The following CLPB variants were observed in gnomAD, a reference collection of about 807,000 sequenced individuals.
The protein encoded by CLPB is mitochondrial disaggregase.
In CLPB, 40 loss-of-function variants were observed where a neutral mutation model predicts 78.4. The observed-to-expected ratio is 0.51, with a 90% CI of 0.40 to 0.66. The LOEUF (loss-of-function observed/expected upper bound fraction) is 0.66, where lower values mean the gene tolerates loss of function less well. Ranked by LOEUF, CLPB falls within the 30% of genes least tolerant of loss-of-function variation. CLPB has a pLI of 0.00. For missense variants in CLPB, 780 were observed against 886.9 expected (o/e 0.88, Z 1.53); for synonymous variants, 333 against 348.0 (o/e 0.96, Z 0.48).
chr11:72,390,579 T>TC (rs1195787203), intron 3 of CLPB, among the ~76,000 whole-genome samples: 1 of 152,066 alleles, frequency 6.6e-6, no homozygotes, highest in Non-Finnish European at 1.5e-5. Context: ...AAGAAAATCT[T>TC]CAAGTTCATT....
At chr11:72,350,020 T>C (rs555294667) in intron 5 of CLPB, among the ~76,000 whole-genome samples, 4 of 152,346 alleles carry the variant, frequency 2.6e-5, no homozygotes, top group African/African-American at 7.2e-5. Flanking sequence ...GGATGGCAAG[T>C]GGCTCTGGAG....
At position 72,434,264 on chromosome 11, in the gene CLPB, C is replaced by G. The variant is rs138797911; in HGVS notation, c.211G>C (p.Gly71Arg). The stretch of plus-strand genomic sequence containing the variant: ...TCGAAGCGTCCTCCCTGGCGCCCCC[C>G]GGTGGCTGCCCCACGTCCGGAGAAC... ...ALFSGRGAAT[G>R]GRQGGRFDTK... The change falls in exon 1 of 16, where the codon GGG (glycine) becomes CGG (arginine). Residue 71 changes from glycine (G) to arginine (R), a missense_variant. This residue lies in a region of CLPB where 417 missense variants were observed against 414.7 expected (regional missense o/e 1.01). Coordinates refer to ENST00000538039, the MANE Select transcript of CLPB (RefSeq NM_001258392.3). 2 of 1,613,164 alleles carry G rather than the reference C, an allele frequency of 1.2e-6. No individual in the cohort carries two copies. Among genetic ancestry groups the G allele is most frequent in the Non-Finnish European group, 1.7e-6 (2 of 1,179,904 alleles).
At chr11:72,389,090 G>A (rs984308906) in intron 3 of CLPB, among the ~76,000 whole-genome samples, 1 of 152,220 alleles carries the variant, frequency 6.6e-6, no homozygotes, top group Admixed American at 6.5e-5. Flanking sequence ...GATTACACTG[G>A]TACCAGAAGT....
intron 11 of CLPB, among the ~76,000 whole-genome samples, chr11:72,298,172 T>G (rs1222609257): frequency 1.3e-5 from 2 of 152,054 alleles, no homozygotes; most frequent in African/African-American, 4.8e-5. Flanking sequence ...GGGTCACCTG[T>G]GAGTGGCCAG....
At chr11:72,358,336 T>C (rs552983256) in intron 5 of CLPB, among the ~76,000 whole-genome samples, 2 of 152,280 alleles carry the variant, frequency 1.3e-5, no homozygotes, top group South Asian at 4.1e-4. Flanking sequence ...AGAAGGCTAT[T>C]GAACAAATAA....
intron 1 of CLPB, among the ~76,000 whole-genome samples, chr11:72,432,538 T>G (rs1856576152): frequency 6.6e-6 from 1 of 152,168 alleles, no homozygotes; most frequent in Non-Finnish European, 1.5e-5. Flanking sequence ...ACATTCCAAC[T>G]GCCTGCACTG....
chr11:72,295,423 C>T, intron 12 of CLPB, 69 bp downstream of exon 12: 1 of 1,564,220 alleles, frequency 6.4e-7, no homozygotes, highest in Non-Finnish European at 8.7e-7. Context: ...GGCCCCAATC[C>T]CATCCTTCCC....
At chr11:72,375,716 G>A (rs1482460646) in intron 4 of CLPB, among the ~76,000 whole-genome samples, 1 of 152,178 alleles carries the variant, frequency 6.6e-6, no homozygotes, top group African/African-American at 2.4e-5. Context: ...TAAATGACTG[G>A]GAGCACTGAT....
intron 4 of CLPB, among the ~76,000 whole-genome samples, chr11:72,377,649 A>AAAGGGGAAGCG (rs1854753220): frequency 8.3e-6 from 1 of 120,116 alleles, no homozygotes; most frequent in African/African-American, 3.6e-5. Flanking sequence ...AAAGGGAAGC[A>AAAGGGGAAGCG]AAGGGGAAGG....
chr11:72,319,352 C>T (rs916236189), intron 6 of CLPB, among the ~76,000 whole-genome samples: 14 of 152,190 alleles, frequency 9.2e-5, no homozygotes, highest in Non-Finnish European at 1.0e-4. Flanking sequence ...TCACAGCAGG[C>T]GTCAATTTGT....
Position 72,362,305 on chromosome 11 carries a change from A to G in CLPB, c.647-3297T>C, listed in dbSNP as rs922857820. 2.8e-4 allele frequency among the ~76,000 whole-genome samples: 42 copies of G among 152,218 alleles called. 1 individual carries two copies. The highest frequency in any genetic ancestry group is 9.9e-4 in the African/African-American group (41 of 41,454). On this transcript the variant is annotated intron_variant, in intron 4 of 15. Transcript: ENST00000538039. ...CCAATTCTAGTATTTATTACATTCT[A>G]TCGTAAGCACTTGCTTACTTGACTA... is the stretch of plus-strand genomic sequence containing the variant.
intron 4 of CLPB, among the ~76,000 whole-genome samples, chr11:72,361,590 G>A (rs1950839487): frequency 6.6e-6 from 1 of 152,180 alleles, no homozygotes; most frequent in South Asian, 2.1e-4. Flanking sequence ...ACAATGAAAA[G>A]CTGAAAAAGG....
chr11:72,314,899 GCC>G (rs1007674448), intron 7 of CLPB, among the ~76,000 whole-genome samples: 2 of 152,178 alleles, frequency 1.3e-5, no homozygotes, highest in Non-Finnish European at 2.9e-5. Context: ...AGGCCTGCAT[GCC>G]AGGTTAGGGC....
intron 3 of CLPB, among the ~76,000 whole-genome samples, chr11:72,396,508 G>A (rs1490087537): frequency 6.6e-6 from 1 of 152,180 alleles, no homozygotes; most frequent in Non-Finnish European, 1.5e-5. Context: ...GTCCCTGCAT[G>A]AGAGTCCAGA....
rs921540699 is a variant in CLPB, at chr11:72,289,995, A to G, written c.*3372T>C. On this transcript the variant is annotated 3_prime_UTR_variant, in exon 16 of 16. Coordinates refer to ENST00000538039, the MANE Select transcript of CLPB (RefSeq NM_001258392.3). ...TGTCTGCTGAGCAGGCCTACAAGCA[A>G]TGACACTCCGCCAATGATACTCTAG... is the stretch of plus-strand genomic sequence containing the variant. 3 of 152,224 alleles carry G rather than the reference A, an allele frequency of 2.0e-5. No individual in the cohort carries two copies. Among genetic ancestry groups the G allele is most frequent in the African/African-American group, 7.2e-5 (3 of 41,458 alleles). 9.4% of individuals were successfully genotyped at this position (152,224 alleles called of 1,614,324 possible). A position where few individuals can be genotyped will look rare whatever the true frequency, so the allele number is the denominator to read the frequency against.
chr11:72,330,393 A>T (rs954622770), intron 5 of CLPB, among the ~76,000 whole-genome samples: 3 of 152,142 alleles, frequency 2.0e-5, no homozygotes, highest in African/African-American at 7.2e-5. Flanking sequence ...GTGGCTGGGT[A>T]TTTCCTCCAA....
chr11:72,295,802 G>A (rs1050793875), intron 11 of CLPB, among the ~76,000 whole-genome samples, 154 bp from the exon 12 acceptor site: 11 of 152,190 alleles, frequency 7.2e-5, no homozygotes, highest in South Asian at 2.1e-4. Context: ...TGGGTTCTCC[G>A]AGCACTAGAC....
intron 4 of CLPB, among the ~76,000 whole-genome samples, chr11:72,379,597 C>A (rs1181681831): frequency 6.6e-6 from 1 of 152,128 alleles, no homozygotes; most frequent in African/African-American, 2.4e-5. Flanking sequence ...CATCCCAGAG[C>A]CTCTTCATTC....
intron 3 of CLPB, among the ~76,000 whole-genome samples, chr11:72,382,857 C>A (rs117278652): frequency 0.029 from 4,421 of 152,024 alleles, 109 homozygotes; most frequent in Non-Finnish European, 0.04. Context: ...GGATCAGTAA[C>A]CAACCCTAAA....
Sources: allele counts gnomAD v4.1 joint callset (sites outside exome capture counted in the v4.1 genomes callset), GRCh38; gene constraint gnomAD v4.1.1; regional missense constraint gnomAD v4.1.1; transcripts MANE v1.5; gene names NCBI Gene and HGNC (gene_info 2026-07-23, HGNC 2026-07-21).